CRHBP: variants seen among roughly 807,000 people sequenced by gnomAD.
CRHBP encodes corticotropin-releasing hormone-binding protein.
A neutral mutation model predicts 34.9 loss-of-function variants in CRHBP; 19 were observed. That is an observed-to-expected ratio of 0.55 (90% confidence interval 0.38 to 0.80). The LOEUF is 0.80. Among genes scored for constraint, CRHBP ranks in the 30% least tolerant of loss-of-function variants. CRHBP has a pLI of 0.00. For synonymous variants in CRHBP, 154 were observed against 153.4 expected (o/e 1.00, Z -0.03); for missense variants, 328 against 409.2 (o/e 0.80, Z 1.71).
At chr5:76,960,776 T>TG (rs950801823) in intron 5 of CRHBP, among the ~76,000 whole-genome samples, 27 of 151,982 alleles carry the variant, frequency 1.8e-4, no homozygotes, top group African/African-American at 6.5e-4. Flanking sequence ...TTTTTTGTTT[T>TG]TTTTTTGAGA....
At chr5:76,979,802 A>C (rs1746090944) in intron 3 of CRHBP, among the ~76,000 whole-genome samples, 1 of 152,220 alleles carries the variant, frequency 6.6e-6, no homozygotes, top group African/African-American at 2.4e-5. Flanking sequence ...CCACCTTTTT[A>C]TGATGGTCTG....
rs554073942 is a variant in CRHBP at position 76,955,960 on chromosome 5, T to C, written c.544+97T>C. ...ACTTAAAGAAATTTGAACTGAGGAA[T>C]GATTTGAATGGAAATTTTTTTGTAA... On this transcript the variant is annotated intron_variant, in intron 4 of 6. Coordinates refer to ENST00000274368, the MANE Select transcript of CRHBP (RefSeq NM_001882.4). The C allele has an allele frequency of 1.8e-4, 193 of 1,059,914 alleles. 1 individual carries two copies. Among genetic ancestry groups the C allele is most frequent in the Non-Finnish European group, 2.5e-4 (186 of 743,778 alleles). The allele number at this position is 1,059,914 out of a possible 1,614,324, so 65.7% of individuals were successfully genotyped here. A position where few individuals can be genotyped will look rare whatever the true frequency, so the allele number is the denominator to read the frequency against.
chr5:76,954,311 C>T, intron 3 of CRHBP, 125 bp downstream of exon 3: 1 of 1,166,830 alleles, frequency 8.6e-7, no homozygotes, highest in South Asian at 1.6e-5. Flanking sequence ...TTAGACACTT[C>T]GCTGGTGCCC....
At chr5:76,979,629 G>A (rs146630427) in intron 3 of CRHBP, among the ~76,000 whole-genome samples, 5 of 152,270 alleles carry the variant, frequency 3.3e-5, no homozygotes, top group African/African-American at 7.2e-5. Flanking sequence ...GATTACAGGC[G>A]TGAGACACCG....
chr5:76,969,180 G>A lies in CRHBP; in HGVS notation c.*295G>A. The A allele has an allele frequency of 3.9e-6, 1 of 259,060 alleles. No individual in the cohort carries two copies. Among genetic ancestry groups the A allele is most frequent in the African/African-American group, 2.2e-5 (1 of 45,134 alleles). 16.0% of individuals were successfully genotyped at this position (259,060 alleles called of 1,614,324 possible). A position where few individuals can be genotyped will look rare whatever the true frequency, so the allele number is the denominator to read the frequency against. ...TTTGATGTGCTACAAACCTGAAACT[G>A]GTAAGACAAGCACAAAGCAACGTGC... is the stretch of plus-strand genomic sequence containing the variant. On this transcript the variant is annotated 3_prime_UTR_variant, in exon 7 of 7. Transcript: ENST00000274368.
rs1489825585 is a variant in CRHBP, at chr5:76,968,853, A to G, written c.937A>G (p.Ser313Gly). Residue 313 changes from serine (S) to glycine (G), a missense_variant, in exon 7 of 7, where the codon AGT (serine) becomes GGT (glycine). Coordinates refer to ENST00000274368, the MANE Select transcript of CRHBP (RefSeq NM_001882.4). Reference protein sequence around the residue: ...PYELENPNGNSIGEFCLSGL With the variant: ...PYELENPNGNGIGEFCLSGL ...CGAGCTGGAAAACCCAAATGGAAACAGTATCGGGGAATTCTGTTTGTCTGG... is the reference window on the plus strand; with the variant it reads ...CGAGCTGGAAAACCCAAATGGAAACGGTATCGGGGAATTCTGTTTGTCTGG... The G allele has an allele frequency of 1.2e-6, 2 of 1,614,060 alleles. No individual in the cohort carries two copies. Among genetic ancestry groups the G allele is most frequent in the Non-Finnish European group, 1.7e-6 (2 of 1,179,964 alleles).
intron 3 of CRHBP, among the ~76,000 whole-genome samples, chr5:76,979,378 G>C (rs911295990): frequency 4.0e-5 from 6 of 151,842 alleles, no homozygotes; most frequent in Admixed American, 1.3e-4. Context: ...CTTTGACAGA[G>C]TTTCGCTTTG....
chr5:76,963,490 T>A lies in CRHBP; in HGVS notation c.811+30T>A, dbSNP rs1297869270. The A allele has an allele frequency of 1.9e-6, 3 of 1,552,034 alleles. No homozygotes were observed. The Admixed American group carries it at 5.2e-5, about 27-fold the overall frequency. On this transcript the variant is annotated intron_variant, in intron 6 of 6. Coordinates refer to ENST00000274368, the MANE Select transcript of CRHBP (RefSeq NM_001882.4). ...GGTATTTCTTTGATTGTTATGTATG[T>A]GCCTATCAAGATTAAAAAAAAATAA...
At chr5:76,960,843 C>T (rs1335814219) in intron 5 of CRHBP, among the ~76,000 whole-genome samples, 1 of 151,928 alleles carries the variant, frequency 6.6e-6, no homozygotes, top group African/African-American at 2.4e-5. Flanking sequence ...CGGCTCACTG[C>T]AACCTCTGCC....
At position 76,963,431 on chromosome 5, in the gene CRHBP, C is replaced by G; in HGVS notation, c.782C>G (p.Ala261Gly). 1 of 1,614,058 alleles carries G rather than the reference C, an allele frequency of 6.2e-7. No homozygotes were observed. Residue 261 changes from alanine to glycine, a missense_variant, in exon 6 of 7, where the codon GCT becomes GGT. Physicochemically the swap from Ala to Gly is moderately conservative, Grantham distance 60. Around this residue, in one of 3 missense-constraint regions of CRHBP, gnomAD observed 144 missense variants for 216.7 expected, o/e 0.66. Coordinates refer to ENST00000274368, the MANE Select transcript of CRHBP (RefSeq NM_001882.4). The part of the protein sequence containing the change: ...GLDPSKMTPL[A>G]DLCYPFHGPA... ...GACCCTTCCAAGATGACGCCTTTAGCTGATCTCTGCTACCCCTTTCATGGC... is the reference window on the plus strand; with the variant it reads ...GACCCTTCCAAGATGACGCCTTTAGGTGATCTCTGCTACCCCTTTCATGGC...
chr5:76,964,158 C>T (rs1229142287), intron 6 of CRHBP, among the ~76,000 whole-genome samples: 1 of 152,030 alleles, frequency 6.6e-6, no homozygotes, highest in Non-Finnish European at 1.5e-5. Flanking sequence ...ACCTCATGAC[C>T]AGATAACTCA....
chr5:76,954,953 G>C (rs1280895697), intron 3 of CRHBP, among the ~76,000 whole-genome samples: 1 of 152,172 alleles, frequency 6.6e-6, no homozygotes, highest in Non-Finnish European at 1.5e-5. Flanking sequence ...CTGGGTTGTT[G>C]GTAATTTTGC....
At position 76,969,046 on chromosome 5, in the gene CRHBP, A is replaced by G; in HGVS notation, c.*161A>G. 1 of 678,820 alleles carries G rather than the reference A, an allele frequency of 1.5e-6. No individual in the cohort carries two copies. Among genetic ancestry groups the G allele is most frequent in the Non-Finnish European group, 2.3e-6 (1 of 442,650 alleles). The allele number at this position is 678,820 out of a possible 1,614,324, so 42.0% of individuals were successfully genotyped here. Reference sequence around the variant, plus strand: ...ACACACACACATACACACACGCATTAATTTTTGTACTTTGCTTCTTTTATG... The same window carrying G: ...ACACACACACATACACACACGCATTGATTTTTGTACTTTGCTTCTTTTATG... On this transcript the variant is annotated 3_prime_UTR_variant, in exon 7 of 7. Coordinates refer to ENST00000274368, the MANE Select transcript of CRHBP (RefSeq NM_001882.4).
chr5:76,954,219 A>T (rs1157618474), intron 3 of CRHBP, 33 bp downstream of exon 3: 1 of 1,603,876 alleles, frequency 6.2e-7, no homozygotes, highest in Admixed American at 1.7e-5. Context: ...ACCTAGCCGG[A>T]GGGCGGCACG....
chr5:76,957,460 C>G (rs1406878978), intron 4 of CRHBP, among the ~76,000 whole-genome samples: 2 of 152,196 alleles, frequency 1.3e-5, no homozygotes, highest in African/African-American at 4.8e-5. Context: ...GATCTTGGCT[C>G]ACTGCAACCT....
chr5:76,969,985 T>C (rs12516576), downstream of CRHBP, among the ~76,000 whole-genome samples: 1 of 133,522 alleles, frequency 7.5e-6, no homozygotes, highest in Admixed American at 8.1e-5. Flanking sequence ...CTTGGCTCTG[T>C]CACCTAGGCT....
intron 3 of CRHBP, among the ~76,000 whole-genome samples, chr5:76,955,089 C>G (rs1208897444): frequency 6.6e-6 from 1 of 152,138 alleles, no homozygotes; most frequent in Non-Finnish European, 1.5e-5. Flanking sequence ...TTCCAGGTAG[C>G]ATACCAGCCA....
intron 3 of CRHBP, chr5:76,976,647 A>T (rs1746038779): frequency 6.6e-6 from 1 of 152,224 alleles, no homozygotes; most frequent in African/African-American, 2.4e-5. Flanking sequence ...GCTTGCATGA[A>T]GTACCACGCA....
chr5:76,975,819 A>T (rs1412436005), intron 2 of CRHBP, among the ~76,000 whole-genome samples: 18 of 84,112 alleles, frequency 2.1e-4, no homozygotes, highest in African/African-American at 7.6e-4. Context: ...AAAAAAAAAA[A>T]AAAAAAATAT....
Sources: allele counts gnomAD v4.1 joint callset (sites outside exome capture counted in the v4.1 genomes callset), GRCh38; gene constraint gnomAD v4.1.1; regional missense constraint gnomAD v4.1.1; transcripts MANE v1.5; gene names NCBI Gene and HGNC (gene_info 2026-07-23, HGNC 2026-07-21).